SAMMSON: variants seen among roughly 807,000 people sequenced by gnomAD.
SAMMSON encodes the protein long intergenic non-protein coding RNA 1212.
At chr3:70,272,379 G>A (rs1384451128) in intron 6 of SAMMSON, 1 of 152,052 alleles carries the variant, frequency 6.6e-6, no homozygotes, top group Non-Finnish European at 1.5e-5. Context: ...GTACTCTTTT[G>A]TGTCTGGCTT....
rs1273083807 is a variant in SAMMSON at position 70,394,977 on chromosome 3, A to AT, written n.233+36659dup. Among the ~76,000 whole-genome samples, 5 of 152,188 alleles carry AT rather than the reference A, an allele frequency of 3.3e-5. No individual in the cohort carries two copies. The East Asian group carries it at 7.7e-4, about 23-fold the overall frequency. ...ATTTTTTGAAATCATGCATTAAAATATTTTTTATCTTGAAAGCTGAGTTTG... is the reference window on the plus strand; with the variant it reads ...ATTTTTTGAAATCATGCATTAAAATATTTTTTTATCTTGAAAGCTGAGTTTG... On this transcript the variant is annotated intron_variant and non_coding_transcript_variant, in intron 2 of 3. Transcript: ENST00000641053.
At chr3:70,084,071 T>C (rs2067276902) in intron 4 of SAMMSON, among the ~76,000 whole-genome samples, 1 of 152,170 alleles carries the variant, frequency 6.6e-6, no homozygotes, top group African/African-American at 2.4e-5. Context: ...ACATACACTT[T>C]AAATGAATTT....
At chr3:70,331,981 G>A (rs780852670) in intron 7 of SAMMSON, among the ~76,000 whole-genome samples, 4 of 152,226 alleles carry the variant, frequency 2.6e-5, no homozygotes, top group Non-Finnish European at 5.9e-5. Flanking sequence ...ACAAAGGGAA[G>A]TGTGGCATTA....
At chr3:70,020,562 T>C (rs1463647765) in intron 3 of SAMMSON, among the ~76,000 whole-genome samples, 1 of 152,102 alleles carries the variant, frequency 6.6e-6, no homozygotes, top group Non-Finnish European at 1.5e-5. Context: ...AGTCTTCCCA[T>C]CCCTGTGCAG....
At chr3:70,157,186 C>A (rs1303225356) in intron 4 of SAMMSON, among the ~76,000 whole-genome samples, 1 of 152,080 alleles carries the variant, frequency 6.6e-6, no homozygotes. Context: ...ATTCCACAAT[C>A]TCTGAGCATT....
At chr3:70,295,366 C>T (rs554656795) in intron 7 of SAMMSON, among the ~76,000 whole-genome samples, 1 of 152,220 alleles carries the variant, frequency 6.6e-6, no homozygotes, top group East Asian at 1.9e-4. Context: ...TGTGTGATTC[C>T]AAAAACTCAA....
chr3:70,301,579 T>A (rs1702349283), intron 7 of SAMMSON, among the ~76,000 whole-genome samples: 1 of 152,114 alleles, frequency 6.6e-6, no homozygotes, highest in Non-Finnish European at 1.5e-5. Context: ...ATATATTATT[T>A]TGTAAAACGA....
At chr3:70,080,552 G>T (rs1239920884) in intron 4 of SAMMSON, among the ~76,000 whole-genome samples, 3 of 152,056 alleles carry the variant, frequency 2.0e-5, no homozygotes. Context: ...TTCAGTGCAT[G>T]CTCTGTTTCT....
chr3:70,391,602 A>G (rs1473121279), downstream of SAMMSON, among the ~76,000 whole-genome samples: 1 of 152,140 alleles, frequency 6.6e-6, no homozygotes, highest in East Asian at 1.9e-4. Context: ...TTTGATTGTC[A>G]GTAGTATAGA....
In SAMMSON at chr3:70,179,167, T is replaced by C. The variant is rs140982808; in HGVS notation, n.508-69940T>C. Among the ~76,000 whole-genome samples the C allele has an allele frequency of 6.8e-4, 104 of 152,308 alleles. 2 individuals are homozygous for C. The highest frequency in any genetic ancestry group is 6.2e-3 in the East Asian group (32 of 5,176). ...TTAAGAGGTTAAGTGACTCTGAGAC[T>C]TAGAATGTCAAACTGGAAGGGCTCT... is the stretch of plus-strand genomic sequence containing the variant. On this transcript the variant is annotated intron_variant and non_coding_transcript_variant, in intron 4 of 9. Coordinates refer to ENST00000642114, the Ensembl canonical transcript of SAMMSON.
At chr3:70,198,787 A>T (rs1701206435) in intron 4 of SAMMSON, among the ~76,000 whole-genome samples, 1 of 152,092 alleles carries the variant, frequency 6.6e-6, no homozygotes, top group Admixed American at 6.6e-5. Context: ...TCTTTGCCAG[A>T]TTTGCTGTAT....
At chr3:70,066,278 T>C (rs2067210318) in intron 3 of SAMMSON, among the ~76,000 whole-genome samples, 1 of 152,204 alleles carries the variant, frequency 6.6e-6, no homozygotes, top group Admixed American at 6.6e-5. Flanking sequence ...TTGACATTCT[T>C]ATGACATTCT....
At chr3:70,033,095 G>C (rs368381224) in intron 3 of SAMMSON, among the ~76,000 whole-genome samples, 1 of 152,246 alleles carries the variant, frequency 6.6e-6, no homozygotes, top group Non-Finnish European at 1.5e-5. Flanking sequence ...AACATCTGAC[G>C]TGAGGGGATG....
chr3:70,206,565 A>G (rs1207412557), intron 4 of SAMMSON: 6 of 397,586 alleles, frequency 1.5e-5, no homozygotes, highest in South Asian at 2.5e-4. Flanking sequence ...TCTGAGAAAC[A>G]TACCATCAGT....
chr3:70,416,577 T>A (rs1042347279), intron 2 of SAMMSON, among the ~76,000 whole-genome samples: 1 of 152,198 alleles, frequency 6.6e-6, no homozygotes, highest in East Asian at 1.9e-4. Flanking sequence ...AGTGATTTTC[T>A]GCATACATTG....
intron 2 of SAMMSON, among the ~76,000 whole-genome samples, chr3:70,411,738 C>T (rs72949114): frequency 0.026 from 3,987 of 152,178 alleles, 206 homozygotes; most frequent in African/African-American, 0.092. Context: ...TCTTGCCAGC[C>T]GCCATTTAAG....
chr3:70,162,981 T>C (rs1419064492), intron 4 of SAMMSON, among the ~76,000 whole-genome samples: 1 of 151,884 alleles, frequency 6.6e-6, no homozygotes, highest in African/African-American at 2.4e-5. Flanking sequence ...TTGTTTACTG[T>C]TTGCATGGTG....
chr3:70,167,342 T>C (rs1366125615), intron 4 of SAMMSON, among the ~76,000 whole-genome samples: 2 of 152,000 alleles, frequency 1.3e-5, no homozygotes, highest in Non-Finnish European at 1.5e-5. Flanking sequence ...AGTGAGTGAT[T>C]TTTGCATTTA....
At chr3:70,098,958 G>T (rs1387709317) in intron 4 of SAMMSON, among the ~76,000 whole-genome samples, 1 of 152,048 alleles carries the variant, frequency 6.6e-6, no homozygotes, top group African/African-American at 2.4e-5. Flanking sequence ...TATATGACTG[G>T]CATGATAAGG....
Sources: gnomAD v4.1 joint callset for allele counts (sites outside exome capture counted in the v4.1 genomes callset) on GRCh38, gnomAD v4.1.1 for gene constraint, MANE v1.5 for transcripts, NCBI Gene and HGNC (gene_info 2026-07-23, HGNC 2026-07-21) for gene names.